Variants in LRRTM4 observed in about 807,000 individuals in gnomAD.
The protein encoded by LRRTM4 is leucine rich repeat transmembrane neuronal 4.
Under a neutral mutation model 47.6 loss-of-function variants are expected in LRRTM4, and 25 were observed. The ratio of observed to expected loss-of-function variants is 0.53; its 90% CI spans 0.38 to 0.73. The LOEUF is 0.73. Ranked by LOEUF, LRRTM4 falls within the 30% of genes least tolerant of loss-of-function variation. The probability of loss-of-function intolerance (pLI) is 0.00; values close to 1 mark genes in which losing one functional copy is unlikely to be tolerated. For missense variants in LRRTM4, 638 were observed against 713.4 expected (o/e 0.89, Z 1.20); for synonymous variants, 311 against 269.5 (o/e 1.15, Z -1.51).
chr2:77,397,431 C>G (rs796115616), intron 3 of LRRTM4, among the ~76,000 whole-genome samples: 18 of 151,930 alleles, frequency 1.2e-4, no homozygotes, highest in African/African-American at 3.1e-4. Context: ...AGTGAAGAGA[C>G]ATTTTAAAGA....
intron 3 of LRRTM4, among the ~76,000 whole-genome samples, chr2:77,238,755 CT>C (rs904092159): frequency 6.6e-6 from 1 of 151,900 alleles, no homozygotes; most frequent in African/African-American, 2.4e-5. Context: ...TTAGAGGAAA[CT>C]TCTCATAAAA....
chr2:76,839,878 G>A (rs1671622027), intron 3 of LRRTM4, among the ~76,000 whole-genome samples: 1 of 151,814 alleles, frequency 6.6e-6, no homozygotes, highest in Non-Finnish European at 1.5e-5. Flanking sequence ...GAATATAAAG[G>A]CCAGTGTCTT....
chr2:77,478,358 C>T (rs1677519883), intron 3 of LRRTM4, among the ~76,000 whole-genome samples: 1 of 152,140 alleles, frequency 6.6e-6, no homozygotes, highest in African/African-American at 2.4e-5. Flanking sequence ...TCGGGTTTCA[C>T]AATCTTCAAA....
At chr2:77,478,668 TTC>T (rs748759693) in intron 3 of LRRTM4, among the ~76,000 whole-genome samples, 3 of 152,318 alleles carry the variant, frequency 2.0e-5, no homozygotes, top group African/African-American at 4.8e-5. Flanking sequence ...AATCTGGGTT[TTC>T]AAGTGATTCA....
intron 3 of LRRTM4, among the ~76,000 whole-genome samples, chr2:76,798,349 T>C (rs1442267701): frequency 3.3e-5 from 5 of 152,000 alleles, no homozygotes; most frequent in African/African-American, 9.7e-5. Flanking sequence ...CCTGAATGAC[T>C]ACTGGGTACA....
At chr2:77,204,994 C>T (rs1558632563) in intron 3 of LRRTM4, among the ~76,000 whole-genome samples, 1 of 152,240 alleles carries the variant, frequency 6.6e-6, no homozygotes, top group East Asian at 1.9e-4. Context: ...AAGGCTGTTG[C>T]TATTATACAG....
At chr2:77,330,737 T>G (rs1239176400) in intron 3 of LRRTM4, among the ~76,000 whole-genome samples, 1 of 152,184 alleles carries the variant, frequency 6.6e-6, no homozygotes, top group Non-Finnish European at 1.5e-5. Flanking sequence ...GCTTTTATAC[T>G]CATCTTTTTT....
intron 3 of LRRTM4, among the ~76,000 whole-genome samples, chr2:77,336,022 G>A (rs962603814): frequency 3.9e-5 from 6 of 151,946 alleles, no homozygotes; most frequent in Non-Finnish European, 5.9e-5. Context: ...GATTTCATCT[G>A]CAGGTCAGAG....
chr2:77,092,155 T>C (rs11126585), intron 3 of LRRTM4, among the ~76,000 whole-genome samples: 63,965 of 151,394 alleles, frequency 0.42, 16,228 homozygotes, highest in African/African-American at 0.7. Context: ...ACTTTCTGCT[T>C]CCCGGCTCCT....
At chr2:77,019,251 T>TCCA (rs1678180517) in intron 3 of LRRTM4, among the ~76,000 whole-genome samples, 1 of 37,218 alleles carries the variant, frequency 2.7e-5, no homozygotes, top group Admixed American at 3.0e-4. Context: ...GTCACTGCTC[T>TCCA]ACAAAAAAAA....
intron 3 of LRRTM4, among the ~76,000 whole-genome samples, chr2:77,026,299 T>A (rs2104120041): frequency 6.6e-6 from 1 of 152,242 alleles, no homozygotes; most frequent in South Asian, 2.1e-4. Context: ...AGGTAGATAT[T>A]ATATTTCCTA....
At chr2:77,516,072 A>G (rs1346316111) in intron 3 of LRRTM4, among the ~76,000 whole-genome samples, 1 of 151,792 alleles carries the variant, frequency 6.6e-6, no homozygotes, top group South Asian at 2.1e-4. Context: ...TCTTAAATGT[A>G]TAGCCTACTA....
chr2:77,400,194 G>A (rs894102911), intron 3 of LRRTM4, among the ~76,000 whole-genome samples: 1 of 151,564 alleles, frequency 6.6e-6, no homozygotes, highest in Non-Finnish European at 1.5e-5. Context: ...TTCTTGACTT[G>A]GTAACATGAT....
chr2:77,180,402 C>A (rs1657212086), intron 3 of LRRTM4, among the ~76,000 whole-genome samples: 1 of 152,094 alleles, frequency 6.6e-6, no homozygotes. Context: ...TTAAAGAGTA[C>A]AATTTTACAA....
chr2:77,043,785 G>A (rs1292704885), intron 3 of LRRTM4, among the ~76,000 whole-genome samples: 2 of 151,594 alleles, frequency 1.3e-5, no homozygotes, highest in African/African-American at 4.8e-5. Context: ...AAGCAATGAA[G>A]GATTTCTACT....
In LRRTM4 at chr2:77,407,724, T is replaced by G. The variant is rs941197476; in HGVS notation, c.1551+110594A>C. On this transcript the variant is annotated intron_variant, in intron 3 of 3. Transcript: ENST00000409884. ...ATATATAATATATCATATATTATAT[T>G]ATATATTATATATTATATTCTATTA... is the stretch of plus-strand genomic sequence containing the variant. Among the ~76,000 whole-genome samples the G allele has an allele frequency of 4.3e-5, 6 of 141,128 alleles. No individual in the cohort carries two copies. The South Asian group carries it at 8.5e-4, about 20-fold the overall frequency. 92.6% of individuals were successfully genotyped at this position (141,128 alleles called of 152,430 possible).
At chr2:76,909,122 C>T (rs1181146200) in intron 3 of LRRTM4, among the ~76,000 whole-genome samples, 4 of 152,178 alleles carry the variant, frequency 2.6e-5, no homozygotes, top group Non-Finnish European at 5.9e-5. Context: ...ACCAAAACAG[C>T]ATGGCACTGG....
At chr2:76,968,342 A>C (rs13430845) in intron 3 of LRRTM4, among the ~76,000 whole-genome samples, 1 of 27,124 alleles carries the variant, frequency 3.7e-5, no homozygotes, top group African/African-American at 1.5e-4. Context: ...GTATGTGTGT[A>C]TATATATATA....
chr2:77,128,375 A>C (rs567547742), intron 3 of LRRTM4, among the ~76,000 whole-genome samples: 1 of 142,802 alleles, frequency 7.0e-6, no homozygotes, highest in South Asian at 2.2e-4. Flanking sequence ...TGATAGGGCC[A>C]AAATTTTGAA....
Sources: allele counts gnomAD v4.1 joint callset (sites outside exome capture counted in the v4.1 genomes callset), GRCh38; gene constraint gnomAD v4.1.1; transcripts MANE v1.5; gene names NCBI Gene and HGNC (gene_info 2026-07-23, HGNC 2026-07-21).